Variants in PUS7L observed in about 807,000 individuals in gnomAD.
The protein encoded by PUS7L is pseudouridine synthase 7 like, also known as pseudouridylate synthase PUS7L.
PUS7L carries 49 observed loss-of-function variants against 51.1 expected under a neutral mutation model. The ratio of observed to expected loss-of-function variants is 0.96; its 90% confidence interval spans 0.76 to 1.22. PUS7L has a LOEUF of 1.22. Ranked by LOEUF, PUS7L falls within the 50% of genes most tolerant of loss-of-function variation. The pLI is 0.00. For synonymous variants in PUS7L, 277 were observed against 276.2 expected, an observed-to-expected ratio of 1.00 and a Z score of -0.03; for missense variants, 828 against 820.6, an observed-to-expected ratio of 1.01 and a Z score of -0.11.
chr12:43,738,226 A>G, intron 6 of PUS7L, 84 bp downstream of exon 6: 1 of 777,508 alleles, frequency 1.3e-6, no homozygotes, highest in Admixed American at 1.9e-5. Flanking sequence ...TTTATGTTAC[A>G]ATAAATGCTC....
In PUS7L at chr12:43,748,578, C is replaced by T. The variant is rs749839800; in HGVS notation, c.942G>A (p.Met314Ile). 8.2e-6 allele frequency: 13 copies of T among 1,593,664 alleles called. No individual in the cohort carries two copies. In the African/African-American group the frequency reaches 1.6e-4, roughly 20 times the overall value. The change falls in exon 3 of 9, where the codon ATG becomes ATA. Residue 314 changes from methionine (M) to isoleucine (I), a missense_variant. By Grantham distance (10) the Met-to-Ile change is conservative (BLOSUM62 1). Transcript: ENST00000344862. The stretch of plus-strand genomic sequence containing the variant: ...TAGCTAAAAAACCAATCGCTTCAAA[C>T]ATTTCCAGGTTTTCCTTTCGTAGGG... ...AFTLRKENLE[M>I]FEAIGFLAIK... is the part of the protein sequence containing the mutation.
Position 43,754,323 on chromosome 12 carries a change from T to G in PUS7L, c.910+13A>C. ...GCTTATCCAAGAAAATGGATGATGATTTATTAAATTACCTGTATATATAAC... is the reference window on the plus strand; with the variant it reads ...GCTTATCCAAGAAAATGGATGATGAGTTATTAAATTACCTGTATATATAAC... On this transcript the variant is annotated intron_variant, in intron 2 of 8. Coordinates refer to ENST00000344862, the MANE Select transcript of PUS7L (RefSeq NM_031292.5). 1.3e-6 allele frequency: 2 copies of G among 1,499,748 alleles called. No homozygotes were observed. The highest frequency in any genetic ancestry group is 1.8e-6 in the Non-Finnish European group (2 of 1,104,206). The allele number at this position is 1,499,748 out of a possible 1,614,324, so 92.9% of individuals were successfully genotyped here. A position where few individuals can be genotyped will look rare whatever the true frequency, so the allele number is the denominator to read the frequency against.
In PUS7L at chr12:43,725,895, G is replaced by A. The variant is rs905282720; in HGVS notation, c.*4481C>T. The A allele has an allele frequency of 1.3e-5, 2 of 152,012 alleles. No individual in the cohort carries two copies. Among genetic ancestry groups the A allele is most frequent in the Non-Finnish European group, 1.5e-5 (1 of 68,004 alleles). 9.4% of individuals were successfully genotyped at this position (152,012 alleles called of 1,614,324 possible). ...ACAGGGTGGGAATATGGATTAAAGTGTGAGATACTGACATAATAGATACTC... is the reference window on the plus strand; with the variant it reads ...ACAGGGTGGGAATATGGATTAAAGTATGAGATACTGACATAATAGATACTC... On this transcript the variant is annotated 3_prime_UTR_variant, in exon 9 of 9. Transcript: ENST00000344862.
intron 7 of PUS7L, among the ~76,000 whole-genome samples, chr12:43,734,212 T>G (rs536152960): frequency 1.3e-5 from 2 of 152,296 alleles, no homozygotes; most frequent in East Asian, 3.9e-4. Flanking sequence ...ATTACACAGC[T>G]TTTGTTGACA....
chr12:43,755,868 A>G (rs73280433), intron 1 of PUS7L, among the ~76,000 whole-genome samples: 2,332 of 152,350 alleles, frequency 0.015, 72 homozygotes, highest in African/African-American at 0.052. Flanking sequence ...AGGTTGAGCC[A>G]GAGGAAAGTT....
chr12:43,731,447 C>A (rs898527567), intron 8 of PUS7L, among the ~76,000 whole-genome samples: 3 of 151,892 alleles, frequency 2.0e-5, no homozygotes, highest in East Asian at 1.9e-4. Flanking sequence ...TGGGAATGGG[C>A]GCAGGAAAAT....
chr12:43,741,338 T>C (rs1937889466), intron 5 of PUS7L, among the ~76,000 whole-genome samples: 1 of 152,238 alleles, frequency 6.6e-6, no homozygotes, highest in African/African-American at 2.4e-5. Flanking sequence ...ACTAGCTGCC[T>C]TCACAAAAGT....
In PUS7L at chr12:43,721,698, G is replaced by T. The variant is rs1286957211; in HGVS notation, c.*8678C>A. On this transcript the variant is annotated 3_prime_UTR_variant, in exon 9 of 9. Transcript: ENST00000344862. ...CTATACAAAAGGCTATGAGAACACAGATTTCACATAAAAGACATTTAATAT... is the reference window on the plus strand; with the variant it reads ...CTATACAAAAGGCTATGAGAACACATATTTCACATAAAAGACATTTAATAT... 1 of 152,190 alleles carries T rather than the reference G, an allele frequency of 6.6e-6. No individual in the cohort carries two copies. The highest frequency in any genetic ancestry group is 2.4e-5 in the African/African-American group (1 of 41,452). The allele number at this position is 152,190 out of a possible 1,614,324, so 9.4% of individuals were successfully genotyped here. A position where few individuals can be genotyped will look rare whatever the true frequency, so the allele number is the denominator to read the frequency against.
chr12:43,731,510 A>G (rs1944553132), intron 8 of PUS7L, among the ~76,000 whole-genome samples, 195 bp downstream of exon 8: 1 of 152,206 alleles, frequency 6.6e-6, no homozygotes, highest in African/African-American at 2.4e-5. Context: ...GTGGCCACAC[A>G]GTCCTACATT....
rs57939394 is a variant in PUS7L, at chr12:43,730,080, T to C, written c.*296A>G. 26,318 of 288,402 alleles carry C rather than the reference T, an allele frequency of 0.091. 1,519 individuals are homozygous for C. The highest frequency in any genetic ancestry group is 0.17 in the Middle Eastern group (147 of 888). 17.9% of individuals were successfully genotyped at this position (288,402 alleles called of 1,614,324 possible). A position where few individuals can be genotyped will look rare whatever the true frequency, so the allele number is the denominator to read the frequency against. On this transcript the variant is annotated 3_prime_UTR_variant, in exon 9 of 9. Coordinates refer to ENST00000344862, the MANE Select transcript of PUS7L (RefSeq NM_031292.5). Reference sequence around the variant, plus strand: ...TCTTAAATGTTATCTTGCAGTATTATATATATTCCTAATGGTTTTAAAAGA... The same window carrying C: ...TCTTAAATGTTATCTTGCAGTATTACATATATTCCTAATGGTTTTAAAAGA...
chr12:43,745,982 C>G, intron 4 of PUS7L, 64 bp downstream of exon 4: 1 of 700,088 alleles, frequency 1.4e-6, no homozygotes, highest in Non-Finnish European at 2.4e-6. Flanking sequence ...CCCCTCTTGC[C>G]TCAGTGTAGA....
chr12:43,742,314 A>G (rs1937939456), intron 5 of PUS7L, 143 bp downstream of exon 5: 2 of 601,678 alleles, frequency 3.3e-6, no homozygotes, highest in Non-Finnish European at 5.8e-6. Flanking sequence ...GCAGCAGCTT[A>G]CTAAATGTTC....
Position 43,729,308 on chromosome 12 carries a change from C to T in PUS7L, c.*1068G>A, listed in dbSNP as rs1198503875. The T allele has an allele frequency of 2.5e-6, 1 of 396,384 alleles. No homozygotes were observed. Among genetic ancestry groups the T allele is most frequent in the Non-Finnish European group, 4.5e-6 (1 of 224,634 alleles). 24.6% of individuals were successfully genotyped at this position (396,384 alleles called of 1,614,324 possible). On this transcript the variant is annotated 3_prime_UTR_variant, in exon 9 of 9. Coordinates refer to ENST00000344862, the MANE Select transcript of PUS7L (RefSeq NM_031292.5). ...ACATTTCCCAAAATGGTTAAACTGGCTTAAGTATATATATCACATTACTGA... is the reference window on the plus strand; with the variant it reads ...ACATTTCCCAAAATGGTTAAACTGGTTTAAGTATATATATCACATTACTGA...
Position 43,729,585 on chromosome 12 carries a change from ATTAT to A in PUS7L, c.*787_*790del. 1 of 177,268 alleles carries A rather than the reference ATTAT, an allele frequency of 5.6e-6. No homozygotes were observed. The highest frequency in any genetic ancestry group is 1.2e-5 in the Non-Finnish European group (1 of 84,718). The allele number at this position is 177,268 out of a possible 1,614,324, so 11.0% of individuals were successfully genotyped here. A position where few individuals can be genotyped will look rare whatever the true frequency, so the allele number is the denominator to read the frequency against. Reference sequence around the variant, plus strand: ...CAACAGAAAATGTGGAGATAATCCTATTATTTGTCATTTATGAAGTTGTAATTGT... The same window carrying A: ...CAACAGAAAATGTGGAGATAATCCTATTGTCATTTATGAAGTTGTAATTGT... On this transcript the variant is annotated 3_prime_UTR_variant, in exon 9 of 9. Transcript: ENST00000344862.
intron 2 of PUS7L, among the ~76,000 whole-genome samples, chr12:43,749,168 T>C (rs975066816): frequency 6.6e-6 from 1 of 152,192 alleles, no homozygotes; most frequent in African/African-American, 2.4e-5. Flanking sequence ...AAATCCACTT[T>C]TCCTGTCTCC....
chr12:43,751,532 A>C (rs1053640665), intron 2 of PUS7L, among the ~76,000 whole-genome samples: 2 of 152,016 alleles, frequency 1.3e-5, no homozygotes, highest in Non-Finnish European at 2.9e-5. Flanking sequence ...TGAACTCATC[A>C]TTTTTTATGG....
intron 4 of PUS7L, 89 bp from the exon 5 acceptor site, chr12:43,742,644 T>C: frequency 6.9e-7 from 1 of 1,446,042 alleles, no homozygotes; most frequent in Non-Finnish European, 9.1e-7. Flanking sequence ...TTCATAATTA[T>C]TTTAACAGAA....
chr12:43,735,020 A>G (rs1383213447), intron 7 of PUS7L, among the ~76,000 whole-genome samples: 2 of 152,218 alleles, frequency 1.3e-5, no homozygotes, highest in African/African-American at 4.8e-5. Context: ...TCACAGAGAT[A>G]AAAACAACTG....
Position 43,754,651 on chromosome 12 carries a change from G to A in PUS7L, c.595C>T (p.Pro199Ser). ...CAAAGTTCTTTATATTCAAGATTTG[G>A]TTTTACAACAATTTCACTGTTTTTT... is the stretch of plus-strand genomic sequence containing the variant. ...VGKNSEIVVK[P>S]NLEYKELCHL... is the part of the protein sequence containing the mutation. The change falls in exon 2 of 9, where the codon CCA becomes TCA. Residue 199 changes from proline (P) to serine (S), a missense_variant. Pro to Ser is a moderately conservative substitution (Grantham distance 74). Transcript: ENST00000344862. 2 of 1,613,696 alleles carry A rather than the reference G, an allele frequency of 1.2e-6. No individual in the cohort carries two copies. Among genetic ancestry groups the A allele is most frequent in the South Asian group, 1.1e-5 (1 of 91,046 alleles).
Sources: allele counts gnomAD v4.1 joint callset (sites outside exome capture counted in the v4.1 genomes callset), GRCh38; gene constraint gnomAD v4.1.1; transcripts MANE v1.5; gene names NCBI Gene and HGNC (gene_info 2026-07-23, HGNC 2026-07-21).